Variants in PLCB1 observed in about 807,000 individuals in gnomAD.
PLCB1 encodes phospholipase C beta 1, also known as 1-phosphatidylinositol 4,5-bisphosphate phosphodiesterase beta-1.
In PLCB1, 46 loss-of-function variants were observed where a neutral mutation model predicts 161.8. The ratio of observed to expected loss-of-function variants is 0.28; its 90% CI spans 0.22 to 0.36. The LOEUF is 0.36. PLCB1 is among the 10% of genes least tolerant of loss of function. PLCB1 has a pLI of 1.00. For missense variants in PLCB1, 1,016 were observed against 1,472.5 expected (o/e 0.69, Z 5.07); for synonymous variants, 517 against 503.7 (o/e 1.03, Z -0.35).
At chr20:8,568,099 A>T (rs570534212) in intron 3 of PLCB1, among the ~76,000 whole-genome samples, 2 of 152,308 alleles carry the variant, frequency 1.3e-5, no homozygotes, top group African/African-American at 4.8e-5. Flanking sequence ...AAAATGGGTC[A>T]TGTATTCTTG....
chr20:8,751,808 GAA>G (rs1313570364), intron 23 of PLCB1: 1 of 151,972 alleles, frequency 6.6e-6, no homozygotes, highest in African/African-American at 2.4e-5. Flanking sequence ...ATCAAATTAA[GAA>G]ACTAGACATT....
chr20:8,661,988 T>TTA (rs1989643932), intron 9 of PLCB1, among the ~76,000 whole-genome samples: 1 of 84,994 alleles, frequency 1.2e-5, no homozygotes, highest in Non-Finnish European at 2.2e-5. Context: ...TTATATATAA[T>TTA]TATATAATTA....
At chr20:8,164,016 G>A (rs77520449) in intron 2 of PLCB1, among the ~76,000 whole-genome samples, 2,224 of 152,260 alleles carry the variant, frequency 0.015, 58 homozygotes, top group African/African-American at 0.051. Flanking sequence ...GGTCTTGCTC[G>A]TAATGGCCAT....
intron 2 of PLCB1, among the ~76,000 whole-genome samples, chr20:8,369,245 T>A (rs930844612): frequency 7.9e-5 from 12 of 152,196 alleles, no homozygotes; most frequent in Non-Finnish European, 1.5e-4. Context: ...ATGACTTCCC[T>A]CTTTCCTTCA....
At chr20:8,704,213 G>A (rs1282716792) in intron 11 of PLCB1, among the ~76,000 whole-genome samples, 1 of 152,140 alleles carries the variant, frequency 6.6e-6, no homozygotes, top group Non-Finnish European at 1.5e-5. Context: ...AAATTGTCTG[G>A]GTGTGGTGGT....
chr20:8,354,546 A>G (rs1242502081), intron 2 of PLCB1, among the ~76,000 whole-genome samples: 2 of 152,218 alleles, frequency 1.3e-5, no homozygotes, highest in African/African-American at 2.4e-5. Context: ...ACACAAGGCA[A>G]GAAATACAAA....
chr20:8,476,100 ACT>A (rs1982265991), intron 3 of PLCB1, among the ~76,000 whole-genome samples: 1 of 152,128 alleles, frequency 6.6e-6, no homozygotes, highest in Non-Finnish European at 1.5e-5. Context: ...CAACCAAAAC[ACT>A]GTGTCTTGGC....
intron 14 of PLCB1, among the ~76,000 whole-genome samples, chr20:8,720,211 T>C (rs1031055628): frequency 2.0e-4 from 31 of 152,222 alleles, no homozygotes; most frequent in African/African-American, 7.5e-4. Context: ...TTTTTTACCA[T>C]CTGCCTTTCC....
chr20:8,602,420 C>T (rs1987617751), intron 3 of PLCB1, among the ~76,000 whole-genome samples: 1 of 152,126 alleles, frequency 6.6e-6, no homozygotes, highest in Non-Finnish European at 1.5e-5. Flanking sequence ...CCCTGAATGT[C>T]AATGGTGAAT....
intron 23 of PLCB1, among the ~76,000 whole-genome samples, chr20:8,748,368 G>A (rs1981279809): frequency 6.6e-6 from 1 of 152,160 alleles, no homozygotes; most frequent in Non-Finnish European, 1.5e-5. Context: ...CGGCCAATGA[G>A]TTGAAGAACT....
intron 2 of PLCB1, among the ~76,000 whole-genome samples, chr20:8,279,601 T>G (rs1982775680): frequency 1.3e-5 from 2 of 152,204 alleles, no homozygotes; most frequent in Non-Finnish European, 2.9e-5. Context: ...AAACTGTAAA[T>G]TTTGTTACAT....
At chr20:8,830,135 G>C (rs1985911946) in intron 31 of PLCB1, among the ~76,000 whole-genome samples, 1 of 152,190 alleles carries the variant, frequency 6.6e-6, no homozygotes, top group African/African-American at 2.4e-5. Flanking sequence ...GTCAATATAA[G>C]AGATGTGTGA....
At chr20:8,273,143 A>G (rs1225212031) in intron 2 of PLCB1, among the ~76,000 whole-genome samples, 1 of 152,216 alleles carries the variant, frequency 6.6e-6, no homozygotes, top group East Asian at 1.9e-4. Flanking sequence ...TTTGTTTCAA[A>G]TTCTACCCTT....
At chr20:8,733,784 TATAATAATAATAATAATAATAATA>T (rs199683575) in intron 19 of PLCB1, among the ~76,000 whole-genome samples, 3 of 139,298 alleles carry the variant, frequency 2.2e-5, no homozygotes, top group Admixed American at 1.5e-4. Context: ...AAACTTAAAG[TATAATAATAATAATAATAATAATA>T]ATAATAATAA....
At chr20:8,166,465 G>C (rs886351621) in intron 2 of PLCB1, among the ~76,000 whole-genome samples, 1 of 152,150 alleles carries the variant, frequency 6.6e-6, no homozygotes, top group Non-Finnish European at 1.5e-5. Context: ...TTTACTGGCT[G>C]TAAGTTGCAG....
chr20:8,764,841 C>T (rs1982230551), intron 25 of PLCB1, among the ~76,000 whole-genome samples: 1 of 152,144 alleles, frequency 6.6e-6, no homozygotes, highest in African/African-American at 2.4e-5. Flanking sequence ...CTCTGAGAGT[C>T]CCTCAGTAAA....
chr20:8,417,455 T>G (rs990500856), intron 3 of PLCB1, among the ~76,000 whole-genome samples: 7 of 152,102 alleles, frequency 4.6e-5, no homozygotes, highest in African/African-American at 1.7e-4. Context: ...CAGGGTTTTT[T>G]TTTTTTAGTT....
At chr20:8,782,527 G>A (rs1983291780) in intron 27 of PLCB1, among the ~76,000 whole-genome samples, 1 of 151,980 alleles carries the variant, frequency 6.6e-6, no homozygotes, top group Non-Finnish European at 1.5e-5. Flanking sequence ...CAAGTAGCTG[G>A]GACTACAGGC....
intron 2 of PLCB1, among the ~76,000 whole-genome samples, chr20:8,152,506 A>ATTTGAAGG (rs1054920526): frequency 3.3e-5 from 5 of 152,126 alleles, no homozygotes; most frequent in African/African-American, 1.2e-4. Context: ...GCATAAGATC[A>ATTTGAAGG]TTTGAAGGTA....
Sources: gnomAD v4.1 joint callset for allele counts (sites outside exome capture counted in the v4.1 genomes callset) on GRCh38, gnomAD v4.1.1 for gene constraint, MANE v1.5 for transcripts, NCBI Gene and HGNC (gene_info 2026-07-23, HGNC 2026-07-21) for gene names.